The following TG variants were observed in gnomAD, a reference collection of about 807,000 sequenced individuals.
TG encodes thyroid hormones.
Under a neutral mutation model 324.7 loss-of-function variants are expected in TG, and 270 were observed. The observed-to-expected ratio is 0.83, with a 90% CI of 0.75 to 0.92. The LOEUF is 0.92. TG is among the 40% of genes least tolerant of loss of function. The probability of loss-of-function intolerance (pLI) is 0.00; values close to 1 mark genes in which losing one functional copy is unlikely to be tolerated. For missense variants in TG, 3,591 were observed against 3,456.4 expected (o/e 1.04, Z -0.98); for synonymous variants, 1,401 against 1,327.0 (o/e 1.06, Z -1.21).
At chr8:133,080,589 C>T (rs1403103568) in intron 41 of TG, among the ~76,000 whole-genome samples, 1 of 152,162 alleles carries the variant, frequency 6.6e-6, no homozygotes, top group Non-Finnish European at 1.5e-5. Context: ...AACTCAGGAC[C>T]ATCTTCATCC....
At chr8:132,998,469 C>T (rs1052895694) in intron 35 of TG, among the ~76,000 whole-genome samples, 3 of 152,176 alleles carry the variant, frequency 2.0e-5, no homozygotes, top group Non-Finnish European at 4.4e-5. Context: ...TTTGCCCATG[C>T]TCAGCAGACT....
chr8:133,047,690 G>A (rs768015620), intron 41 of TG: 15 of 684,228 alleles, frequency 2.2e-5, no homozygotes, highest in Non-Finnish European at 3.8e-5. Context: ...AGCAGCGTGT[G>A]GGCTGCAGGG....
intron 41 of TG, chr8:133,038,650 A>G: frequency 6.2e-7 from 1 of 1,614,058 alleles, no homozygotes; most frequent in Non-Finnish European, 8.5e-7. Flanking sequence ...GGGACAGGTA[A>G]GAGGCAATGC....
At chr8:133,111,957 G>A (rs971687471) in intron 43 of TG, among the ~76,000 whole-genome samples, 1 of 152,238 alleles carries the variant, frequency 6.6e-6, no homozygotes, top group Admixed American at 6.5e-5. Flanking sequence ...CGTTCAGCCG[G>A]GTGGAGAGTC....
At chr8:132,891,176 G>A (rs533678572) in intron 10 of TG, among the ~76,000 whole-genome samples, 1 of 152,176 alleles carries the variant, frequency 6.6e-6, no homozygotes, top group African/African-American at 2.4e-5. Context: ...TTCTTGAGAG[G>A]AGTTTGTCCA....
chr8:133,033,103 A>G (rs1421868223), intron 41 of TG, among the ~76,000 whole-genome samples: 1 of 152,224 alleles, frequency 6.6e-6, no homozygotes, highest in Non-Finnish European at 1.5e-5. Flanking sequence ...CTAAGATCAG[A>G]TAGGCCTGCA....
intron 43 of TG, among the ~76,000 whole-genome samples, chr8:133,097,344 A>G (rs777121934): frequency 7.9e-5 from 12 of 152,240 alleles, no homozygotes; most frequent in Non-Finnish European, 1.8e-4. Context: ...ATACAAGAGT[A>G]TTTATTGCAT....
At chr8:133,100,649 A>T (rs1243702489) in intron 43 of TG, among the ~76,000 whole-genome samples, 1 of 152,158 alleles carries the variant, frequency 6.6e-6, no homozygotes, top group African/African-American at 2.4e-5. Flanking sequence ...ATCTGCCTCC[A>T]AATATCCTCT....
intron 41 of TG, chr8:133,059,132 G>T (rs1055377691): frequency 2.2e-6 from 1 of 456,172 alleles, no homozygotes; most frequent in Non-Finnish European, 4.4e-6. Flanking sequence ...AGCCATCTGC[G>T]CCAGTGAACT....
At chr8:133,021,321 A>G (rs1835543148) in intron 39 of TG, among the ~76,000 whole-genome samples, 1 of 152,210 alleles carries the variant, frequency 6.6e-6, no homozygotes, top group African/African-American at 2.4e-5. Flanking sequence ...AGGGGACGCC[A>G]AGGACCCAGA....
chr8:132,890,371 C>T (rs1003660658), intron 10 of TG, among the ~76,000 whole-genome samples: 1 of 151,868 alleles, frequency 6.6e-6, no homozygotes, highest in Non-Finnish European at 1.5e-5. Context: ...CATATTCAAA[C>T]TCTTTTGTTG....
chr8:132,967,123 AT>A (rs1828694512), intron 30 of TG, among the ~76,000 whole-genome samples: 1 of 144,870 alleles, frequency 6.9e-6, no homozygotes, highest in Non-Finnish European at 1.5e-5. Flanking sequence ...CCATCCATCC[AT>A]CCATCCATCC....
chr8:133,069,325 C>A (rs566708426), intron 41 of TG, among the ~76,000 whole-genome samples: 8 of 152,224 alleles, frequency 5.3e-5, no homozygotes, highest in African/African-American at 1.7e-4. Context: ...TTTCACCTGA[C>A]ACAGCATTTG....
intron 41 of TG, chr8:133,040,060 C>A: frequency 6.4e-7 from 1 of 1,554,914 alleles, no homozygotes; most frequent in East Asian, 2.4e-5. Context: ...TGGAGGCCCT[C>A]ACTGCTGGGG....
At chr8:133,093,102 T>C (rs2703002) in intron 41 of TG, among the ~76,000 whole-genome samples, 6,738 of 140,484 alleles carry the variant, frequency 0.048, 483 homozygotes, top group African/African-American at 0.16. Flanking sequence ...TTGAATATTT[T>C]GAGTGTGTGT....
At chr8:133,043,731 C>T (rs60656280) in intron 41 of TG, among the ~76,000 whole-genome samples, 2,837 of 152,280 alleles carry the variant, frequency 0.019, 86 homozygotes, top group African/African-American at 0.065. Context: ...GCTGTGATAA[C>T]CAAAGCCCTG....
intron 35 of TG, among the ~76,000 whole-genome samples, chr8:133,007,966 A>C (rs992593363): frequency 6.6e-6 from 1 of 152,164 alleles, no homozygotes; most frequent in African/African-American, 2.4e-5. Flanking sequence ...TGTGAGTTTC[A>C]TTGATGGTGA....
intron 4 of TG, 115 bp downstream of exon 4, chr8:132,871,666 A>G (rs1338802455): frequency 2.1e-6 from 2 of 974,352 alleles, no homozygotes; most frequent in East Asian, 5.2e-5. Flanking sequence ...CCAGGCCCTC[A>G]TTAGGGAAAA....
chr8:133,134,867 C>T lies in TG; in HGVS notation c.*73C>T, dbSNP rs1410895441. 17 of 1,169,404 alleles carry T rather than the reference C, an allele frequency of 1.5e-5. No individual in the cohort carries two copies. Among genetic ancestry groups the T allele is most frequent in the Non-Finnish European group, 2.2e-5 (17 of 777,836 alleles). The allele number at this position is 1,169,404 out of a possible 1,614,324, so 72.4% of individuals were successfully genotyped here. On this transcript the variant is annotated 3_prime_UTR_variant, in exon 48 of 48. Coordinates refer to ENST00000220616, the MANE Select transcript of TG (RefSeq NM_003235.5). ...GTCATCTTTTTCTCTAAAATAGCCA[C>T]TTACCTTCAATAAAGTATCTACATG...
Sources: gnomAD v4.1 joint callset for allele counts (sites outside exome capture counted in the v4.1 genomes callset) on GRCh38, gnomAD v4.1.1 for gene constraint, MANE v1.5 for transcripts, NCBI Gene and HGNC (gene_info 2026-07-23, HGNC 2026-07-21) for gene names.